OR56A3: variants seen among roughly 807,000 people sequenced by gnomAD.
OR56A3 encodes the protein olfactory receptor family 56 subfamily A member 3.
OR56A3 carries 23 observed loss-of-function variants against 17.5 expected under a neutral mutation model. The ratio of observed to expected loss-of-function variants is 1.32; its 90% CI spans 0.95 to 1.87. The LOEUF is 1.87. Ranked by LOEUF, OR56A3 falls within the 40% of genes most tolerant of loss-of-function variation. The pLI is 0.00. For synonymous variants in OR56A3, 175 were observed against 150.6 expected, an observed-to-expected ratio of 1.16 and a Z score of -1.19; for missense variants, 366 against 380.1, an observed-to-expected ratio of 0.96 and a Z score of 0.31.
the OR56A3 span, among the ~76,000 whole-genome samples, chr11:5,961,988 A>G: frequency 6.6e-6 from 1 of 152,116 alleles, no homozygotes; most frequent in African/African-American, 2.4e-5. Flanking sequence ...TCGGAGAAAA[A>G]GCTTCTAATT....
At chr11:5,970,504 C>G in the OR56A3 span, among the ~76,000 whole-genome samples, 1 of 152,124 alleles carries the variant, frequency 6.6e-6, no homozygotes, top group Non-Finnish European at 1.5e-5. Flanking sequence ...TGAATGGACA[C>G]AGGGAGGACT....
At chr11:5,983,701 C>A in the OR56A3 span, among the ~76,000 whole-genome samples, 13 of 152,312 alleles carry the variant, frequency 8.5e-5, no homozygotes, top group African/African-American at 3.1e-4. Context: ...CCGGTTTCTT[C>A]TCTCCTTTGC....
chr11:6,002,808 A>G, the OR56A3 span: 7 of 1,613,708 alleles, frequency 4.3e-6, no homozygotes, highest in Non-Finnish European at 5.9e-6. Flanking sequence ...CAGGTAGTAC[A>G]GGGGCTGGTG....
the OR56A3 span, among the ~76,000 whole-genome samples, chr11:5,984,445 G>A: frequency 6.6e-6 from 1 of 152,272 alleles, no homozygotes; most frequent in East Asian, 1.9e-4. Context: ...CAGCTCTTCT[G>A]TATTGTTACT....
chr11:5,980,895 G>C, the OR56A3 span, among the ~76,000 whole-genome samples: 2 of 152,062 alleles, frequency 1.3e-5, no homozygotes, highest in African/African-American at 4.8e-5. Flanking sequence ...GTGTAAAAAG[G>C]ATTTTATTTC....
At chr11:5,996,225 TG>T in the OR56A3 span, among the ~76,000 whole-genome samples, 1 of 152,202 alleles carries the variant, frequency 6.6e-6, no homozygotes, top group Non-Finnish European at 1.5e-5. Context: ...TATGTATGTG[TG>T]TATATATATG....
At chr11:5,962,109 G>A in the OR56A3 span, among the ~76,000 whole-genome samples, 2 of 152,142 alleles carry the variant, frequency 1.3e-5, no homozygotes, top group Non-Finnish European at 2.9e-5. Context: ...TGGAGTTTAA[G>A]TCTTGCCAAA....
At position 5,948,510 on chromosome 11, in the gene OR56A3, G is replaced by T; in HGVS notation, c.*216G>T. 1 of 507,416 alleles carries T rather than the reference G, an allele frequency of 2.0e-6. No homozygotes were observed. Among genetic ancestry groups the T allele is most frequent in the South Asian group, 3.6e-5 (1 of 27,972 alleles). 31.4% of individuals were successfully genotyped at this position (507,416 alleles called of 1,614,324 possible). A position where few individuals can be genotyped will look rare whatever the true frequency, so the allele number is the denominator to read the frequency against. On this transcript the variant is annotated 3_prime_UTR_variant, in exon 3 of 3. Transcript: ENST00000641160. ...TTGGCCCTCTCTCGTTTTATTCCAT[G>T]CTTATAATCATATTTTGTCCAAAAC...
the OR56A3 span, among the ~76,000 whole-genome samples, chr11:5,975,566 C>T: frequency 6.6e-6 from 1 of 152,014 alleles, no homozygotes; most frequent in Non-Finnish European, 1.5e-5. Context: ...CATAGTATTC[C>T]ATGGTGTATA....
In OR56A3 at chr11:5,949,341, G is replaced by A. The variant is rs903415152; in HGVS notation, c.*1047G>A. On this transcript the variant is annotated 3_prime_UTR_variant, in exon 3 of 3. Coordinates refer to ENST00000641160, the MANE Select transcript of OR56A3 (RefSeq NM_001003443.3). ...AGGAATGGGATAAAAGATATGTATG[G>A]GCAGTAAGATACTTGGTCCTGTAAG... The A allele has an allele frequency of 1.3e-5, 2 of 152,140 alleles. No individual in the cohort carries two copies. The highest frequency in any genetic ancestry group is 4.8e-5 in the African/African-American group (2 of 41,428). The allele number at this position is 152,140 out of a possible 1,614,324, so 9.4% of individuals were successfully genotyped here.
chr11:5,977,023 C>T, the OR56A3 span, among the ~76,000 whole-genome samples: 1 of 152,136 alleles, frequency 6.6e-6, no homozygotes, highest in African/African-American at 2.4e-5. Flanking sequence ...CCTGCTGCAT[C>T]CATGTTGCTG....
At chr11:5,955,153 G>A (rs997669118), downstream of OR56A3, among the ~76,000 whole-genome samples, 1 of 152,052 alleles carries the variant, frequency 6.6e-6, no homozygotes, top group Admixed American at 6.6e-5. Context: ...TGAATACCTG[G>A]GGCATTCAGT....
At chr11:5,967,530 T>A in the OR56A3 span, 1 of 1,463,216 alleles carries the variant, frequency 6.8e-7, no homozygotes, top group Non-Finnish European at 9.2e-7. Flanking sequence ...GTTTTCAAGG[T>A]CAGGTTGCAT....
chr11:5,973,114 G>A, the OR56A3 span, among the ~76,000 whole-genome samples: 2 of 152,022 alleles, frequency 1.3e-5, no homozygotes, highest in Non-Finnish European at 2.9e-5. Context: ...TTTGATATCT[G>A]TATGAATTTT....
chr11:5,942,950 C>T (rs947231611), intron 1 of OR56A3, among the ~76,000 whole-genome samples: 1 of 152,228 alleles, frequency 6.6e-6, no homozygotes, highest in Non-Finnish European at 1.5e-5. Context: ...CTGATGGTCT[C>T]TCCTTTAGTC....
chr11:6,001,909 G>T, the OR56A3 span: 1 of 726,336 alleles, frequency 1.4e-6, no homozygotes, highest in Non-Finnish European at 2.1e-6. Flanking sequence ...GTTCATTGTT[G>T]CCTGAGATAT....
At chr11:5,957,884 C>T in the OR56A3 span, among the ~76,000 whole-genome samples, 6 of 152,190 alleles carry the variant, frequency 3.9e-5, no homozygotes, top group South Asian at 1.2e-3. Flanking sequence ...CAAGAGAGTT[C>T]TAGATTTGAT....
the OR56A3 span, among the ~76,000 whole-genome samples, chr11:6,010,578 T>G: frequency 7.2e-5 from 11 of 152,190 alleles, no homozygotes; most frequent in Non-Finnish European, 1.5e-4. Flanking sequence ...CATCAGACAT[T>G]GAAATTGCCA....
In OR56A3 at chr11:5,951,086, A is replaced by G. The variant is rs1186769361; in HGVS notation, c.*2792A>G. On this transcript the variant is annotated 3_prime_UTR_variant, in exon 3 of 3. Coordinates refer to ENST00000641160, the MANE Select transcript of OR56A3 (RefSeq NM_001003443.3). ...CAATAACATGAGTGCTAAATCTTGG[A>G]AACCAAGGTGAGAAGATTTATTTTT... 1 of 152,110 alleles carries G rather than the reference A, an allele frequency of 6.6e-6. No homozygotes were observed. Among genetic ancestry groups the G allele is most frequent in the East Asian group, 1.9e-4 (1 of 5,204 alleles). The allele number at this position is 152,110 out of a possible 1,614,324, so 9.4% of individuals were successfully genotyped here.
Sources: allele counts gnomAD v4.1 joint callset (sites outside exome capture counted in the v4.1 genomes callset), GRCh38; gene constraint gnomAD v4.1.1; transcripts MANE v1.5; gene names NCBI Gene and HGNC (gene_info 2026-07-23, HGNC 2026-07-21).